The following ADAP1 variants were observed in gnomAD, a reference collection of about 807,000 sequenced individuals.
The protein encoded by ADAP1 is arf-GAP with dual PH domain-containing protein 1.
ADAP1 carries 31 observed loss-of-function variants against 54.9 expected under a neutral mutation model. The ratio of observed to expected loss-of-function variants is 0.56; its 90% confidence interval spans 0.42 to 0.76. ADAP1 has a LOEUF of 0.76. Ranked by LOEUF, ADAP1 falls within the 30% of genes least tolerant of loss-of-function variation. The pLI is 0.00. For synonymous variants in ADAP1, 313 were observed against 202.6 expected (o/e 1.55, Z -4.63); for missense variants, 535 against 512.4 (o/e 1.04, Z -0.42).
At chr7:918,308 C>A (rs1314424858) in intron 4 of ADAP1, among the ~76,000 whole-genome samples, 1 of 152,246 alleles carries the variant, frequency 6.6e-6, no homozygotes, top group East Asian at 1.9e-4. Flanking sequence ...CCTCAAACTC[C>A]TGCACGTAAG....
At chr7:905,652 A>G (rs1445336749) in intron 4 of ADAP1, 16 of 188,442 alleles carry the variant, frequency 8.5e-5, no homozygotes, top group African/African-American at 9.8e-5. Context: ...AGAAAGGGAA[A>G]GGAGAAAGGA....
chr7:936,549 C>A (rs1401374577), intron 1 of ADAP1, among the ~76,000 whole-genome samples: 1 of 152,202 alleles, frequency 6.6e-6, no homozygotes, highest in Non-Finnish European at 1.5e-5. Flanking sequence ...CATTCTGAAA[C>A]GGCAAAATGT....
chr7:906,715 ATC>A (rs1374713218), intron 4 of ADAP1, among the ~76,000 whole-genome samples: 833 of 22,248 alleles, frequency 0.037, 71 homozygotes, highest in East Asian at 0.072. Flanking sequence ...GGGACGGGAC[ATC>A]GGGGACGGGA....
Position 910,517 on chromosome 7 carries a change from T to C in ADAP1, c.389-5345A>G, listed in dbSNP as rs1183678762. 2.6e-5 allele frequency among the ~76,000 whole-genome samples: 4 copies of C among 152,202 alleles called. No individual in the cohort carries two copies. The East Asian group carries it at 7.7e-4, about 29-fold the overall frequency. ...CCTCCTGCCTCTCCTCCCACCATAC[T>C]GGGGTTGCAGCGTGAGCCCCACGCC... is the stretch of plus-strand genomic sequence containing the variant. On this transcript the variant is annotated intron_variant, in intron 4 of 10. Coordinates refer to ENST00000265846, the MANE Select transcript of ADAP1 (RefSeq NM_006869.4).
At chr7:954,247 G>C in intron 1 of ADAP1, 149 bp downstream of exon 1, 2 of 787,932 alleles carry the variant, frequency 2.5e-6, no homozygotes, top group Non-Finnish European at 3.1e-6. Flanking sequence ...GGCCCCATCC[G>C]AGCGCCGATC....
chr7:920,977 G>A lies in ADAP1; in HGVS notation c.306-927C>T. ...ACTGGGCGGGAATCCTCGCCCACAG[G>A]ATCTGATGGGTGATGGGTCCCAGCT... On this transcript the variant is annotated intron_variant, in intron 3 of 10. Coordinates refer to ENST00000265846, the MANE Select transcript of ADAP1 (RefSeq NM_006869.4). The surrounding 1 kb of genome is among the most constrained non-coding windows in gnomAD (Gnocchi z 4.5). The A allele has an allele frequency of 9.9e-7, 1 of 1,009,394 alleles. No individual in the cohort carries two copies. Among genetic ancestry groups the A allele is most frequent in the Non-Finnish European group, 1.5e-6 (1 of 682,974 alleles). 62.5% of individuals were successfully genotyped at this position (1,009,394 alleles called of 1,614,324 possible).
At chr7:903,626 C>A (rs1562908643) in intron 6 of ADAP1, among the ~76,000 whole-genome samples, 1 of 152,090 alleles carries the variant, frequency 6.6e-6, no homozygotes, top group South Asian at 2.1e-4. Flanking sequence ...ACCTGGGTTC[C>A]CCCCAAGCCC....
In ADAP1 at chr7:905,404, G is replaced by A. The variant is rs1845114689; in HGVS notation, c.389-232C>T. 2.6e-5 allele frequency: 6 copies of A among 229,568 alleles called. 1 individual carries two copies. Among genetic ancestry groups the A allele is most frequent in the Admixed American group, 5.9e-5 (1 of 16,852 alleles). The allele number at this position is 229,568 out of a possible 1,614,324, so 14.2% of individuals were successfully genotyped here. A position where few individuals can be genotyped will look rare whatever the true frequency, so the allele number is the denominator to read the frequency against. On this transcript the variant is annotated intron_variant, in intron 4 of 10. Transcript: ENST00000265846. ...GAAAGGAGAAAGGAGAAAGGAGAAA[G>A]GAGAAAGGGAGAAAGAGAAAGGAGA...
chr7:942,422 A>AG (rs1846971115), intron 1 of ADAP1, among the ~76,000 whole-genome samples: 2 of 59,902 alleles, frequency 3.3e-5, no homozygotes, highest in East Asian at 7.0e-4. Flanking sequence ...AGGAAGGGAG[A>AG]GAGGAGGAGG....
intron 4 of ADAP1, among the ~76,000 whole-genome samples, chr7:915,589 C>T (rs1845901062): frequency 6.6e-6 from 1 of 152,242 alleles, no homozygotes; most frequent in Admixed American, 6.5e-5. Flanking sequence ...CCCTCCAACC[C>T]CTGCCCGAGG....
rs772539771 is a variant in ADAP1 at position 920,099 on chromosome 7, C to T, written c.306-49G>A. Reference sequence around the variant, plus strand: ...CCACTGGGCCAAGGCGGCCTCCGACCCAGCACACGCCGCTCTCTGGCCCGG... The same window carrying T: ...CCACTGGGCCAAGGCGGCCTCCGACTCAGCACACGCCGCTCTCTGGCCCGG... On this transcript the variant is annotated intron_variant, in intron 3 of 10. Transcript: ENST00000265846. This position sits in a 1 kb window ranked among gnomAD's most constrained non-coding sequence, Gnocchi z 4.5. The T allele has an allele frequency of 2.6e-6, 4 of 1,544,316 alleles. No individual in the cohort carries two copies. In the South Asian group the frequency reaches 3.4e-5, roughly 13 times the overall value.
chr7:927,400 C>T, intron 2 of ADAP1: 1 of 515,470 alleles, frequency 1.9e-6, no homozygotes. Context: ...CGCCACACCC[C>T]ACGCCAGCCC....
chr7:926,874 CGGCAAAGGGGGCCCAGGGGCCA>C lies in ADAP1; in HGVS notation c.214-252_214-231del. 1.1e-6 allele frequency: 1 copy of C among 930,136 alleles called. No homozygotes were observed. Among genetic ancestry groups the C allele is most frequent in the Non-Finnish European group, 1.5e-6 (1 of 662,082 alleles). 57.6% of individuals were successfully genotyped at this position (930,136 alleles called of 1,614,324 possible). A position where few individuals can be genotyped will look rare whatever the true frequency, so the allele number is the denominator to read the frequency against. On this transcript the variant is annotated intron_variant, in intron 2 of 10. Transcript: ENST00000265846. The surrounding 1 kb of genome is among the most constrained non-coding windows in gnomAD (Gnocchi z 4.6). ...GCCAGCGTCCCTAACGACGGGGTCC[CGGCAAAGGGGGCCCAGGGGCCA>C]GGCCCCTTTTGAGGATGGGTCTGAG...
rs1213067524 is a variant in ADAP1 at position 929,737 on chromosome 7, A to G, written c.214-3093T>C. On this transcript the variant is annotated intron_variant, in intron 2 of 10. Transcript: ENST00000265846. ...GGTCGTGCAGCCCTGTGGCTTCACT[A>G]AAACTACTGAACTGTACGCTTTACG... Among the ~76,000 whole-genome samples, 3 of 152,218 alleles carry G rather than the reference A, an allele frequency of 2.0e-5. No homozygotes were observed. The East Asian group carries it at 5.8e-4, about 29-fold the overall frequency.
chr7:910,589 C>T (rs1845683188), intron 4 of ADAP1, among the ~76,000 whole-genome samples: 1 of 152,228 alleles, frequency 6.6e-6, no homozygotes, highest in Admixed American at 6.5e-5. Flanking sequence ...TGGGACTGCA[C>T]TCTAAATAGG....
At chr7:904,500 G>A (rs1292547844) in intron 5 of ADAP1, among the ~76,000 whole-genome samples, 1 of 152,172 alleles carries the variant, frequency 6.6e-6, no homozygotes, top group East Asian at 1.9e-4. Flanking sequence ...GGTGGCACTT[G>A]ACATCAGACA....
Position 898,286 on chromosome 7 carries a change from T to A in ADAP1, c.*635A>T, listed in dbSNP as rs961059355. 1 of 159,438 alleles carries A rather than the reference T, an allele frequency of 6.3e-6. No homozygotes were observed. Among genetic ancestry groups the A allele is most frequent in the Non-Finnish European group, 1.4e-5 (1 of 72,142 alleles). 9.9% of individuals were successfully genotyped at this position (159,438 alleles called of 1,614,324 possible). A position where few individuals can be genotyped will look rare whatever the true frequency, so the allele number is the denominator to read the frequency against. On this transcript the variant is annotated 3_prime_UTR_variant, in exon 11 of 11. Transcript: ENST00000265846. ...ACACCACTGTCGGCGAGCACCGTGC[T>A]GGGCGCAGAGGCCACGTGTGGTGGG...
In ADAP1 at chr7:916,328, G is replaced by A. The variant is rs540228726; in HGVS notation, c.388+3640C>T. Among the ~76,000 whole-genome samples the A allele has an allele frequency of 4.8e-4, 73 of 152,308 alleles. No homozygotes were observed. The South Asian group carries it at 6.2e-3, about 13-fold the overall frequency. On this transcript the variant is annotated intron_variant, in intron 4 of 10. Coordinates refer to ENST00000265846, the MANE Select transcript of ADAP1 (RefSeq NM_006869.4). The stretch of plus-strand genomic sequence containing the variant: ...ACCAGCTAAACCCCTAGATCAAGCT[G>A]TGCCCTGTTATTCCAGTCAATCCAT...
At position 914,211 on chromosome 7, in the gene ADAP1, G is replaced by A. The variant is rs373894795; in HGVS notation, c.388+5757C>T. On this transcript the variant is annotated intron_variant, in intron 4 of 10. Coordinates refer to ENST00000265846, the MANE Select transcript of ADAP1 (RefSeq NM_006869.4). ...CTGCAGCCACTCCTCTGTGCAGAGC[G>A]GGAGCCACCTGGCCCAGGCCTCACC... 1.1e-4 allele frequency among the ~76,000 whole-genome samples: 16 copies of A among 152,244 alleles called. 1 individual carries two copies. The highest frequency in any genetic ancestry group is 7.8e-4 in the Admixed American group (12 of 15,308).
Sources: allele counts gnomAD v4.1 joint callset (sites outside exome capture counted in the v4.1 genomes callset), GRCh38; gene constraint gnomAD v4.1.1; non-coding constraint Gnocchi (gnomAD v3.1); transcripts MANE v1.5; gene names NCBI Gene and HGNC (gene_info 2026-07-23, HGNC 2026-07-21).